The following SRD5A2 variants were observed in gnomAD, a reference collection of about 807,000 sequenced individuals.
SRD5A2 encodes 3-oxo-5-alpha-steroid 4-dehydrogenase 2.
Under a neutral mutation model 27.4 loss-of-function variants are expected in SRD5A2, and 30 were observed. The observed-to-expected ratio is 1.10, with a 90% CI of 0.82 to 1.49. The LOEUF is 1.49. Among genes scored for constraint, SRD5A2 ranks in the 40% most tolerant of loss-of-function variants. The pLI, the probability that SRD5A2 is intolerant of heterozygous loss-of-function variation, is 0.00. For synonymous variants in SRD5A2, 141 were observed against 133.6 expected (o/e 1.06, Z -0.38); for missense variants, 348 against 323.4 (o/e 1.08, Z -0.58).
chr2:31,602,711 C>T, the SRD5A2 span, among the ~76,000 whole-genome samples: 1 of 151,994 alleles, frequency 6.6e-6, no homozygotes, highest in Non-Finnish European at 1.5e-5. Context: ...AGAACAGATA[C>T]ATGGAACAAC....
the SRD5A2 span, among the ~76,000 whole-genome samples, chr2:31,662,707 C>T: frequency 1.3e-5 from 2 of 152,120 alleles, no homozygotes; most frequent in African/African-American, 4.8e-5. Flanking sequence ...TGTGAGGCCT[C>T]AGTGGGAAGG....
chr2:31,614,784 C>T, the SRD5A2 span, among the ~76,000 whole-genome samples: 2 of 151,816 alleles, frequency 1.3e-5, no homozygotes, highest in African/African-American at 4.8e-5. Flanking sequence ...CACCTGCACA[C>T]CTAGTACCAT....
At chr2:31,621,365 T>C in the SRD5A2 span, among the ~76,000 whole-genome samples, 3 of 152,138 alleles carry the variant, frequency 2.0e-5, no homozygotes, top group African/African-American at 7.2e-5. Context: ...TGGAATCATA[T>C]GGTATGTAAC....
the SRD5A2 span, among the ~76,000 whole-genome samples, chr2:31,634,194 C>T: frequency 6.6e-6 from 1 of 151,462 alleles, no homozygotes; most frequent in Non-Finnish European, 1.5e-5. Context: ...AGAAATAAAA[C>T]ACATGATAAA....
chr2:31,534,573 TTTTC>T (rs373868418), intron 1 of SRD5A2, among the ~76,000 whole-genome samples: 100 of 152,342 alleles, frequency 6.6e-4, no homozygotes, highest in African/African-American at 2.3e-3. Context: ...TTATATTCAT[TTTTC>T]TTTCTTTGTC....
chr2:31,641,755 G>A, the SRD5A2 span, among the ~76,000 whole-genome samples: 1 of 151,964 alleles, frequency 6.6e-6, no homozygotes, highest in African/African-American at 2.4e-5. Context: ...AGTTTGGACA[G>A]AATTCAAGAT....
At chr2:31,549,981 C>T (rs1666352227) in intron 1 of SRD5A2, among the ~76,000 whole-genome samples, 1 of 152,036 alleles carries the variant, frequency 6.6e-6, no homozygotes, top group Non-Finnish European at 1.5e-5. Flanking sequence ...CCACAGTAGA[C>T]CACATCTTAT....
At chr2:31,658,521 T>C in the SRD5A2 span, among the ~76,000 whole-genome samples, 1 of 150,778 alleles carries the variant, frequency 6.6e-6, no homozygotes, top group Non-Finnish European at 1.5e-5. Flanking sequence ...AATCTTGAAA[T>C]GGCAAAGGGG....
In SRD5A2 at chr2:31,525,053, A is replaced by G. The variant is rs560497065; in HGVS notation, c.*1143T>C. ...GTTTTTGAAACTTTGTAAAAAAAAAAAAAACTATATGTCTGAGCCAAACAA... is the reference window on the plus strand; with the variant it reads ...GTTTTTGAAACTTTGTAAAAAAAAAGAAAACTATATGTCTGAGCCAAACAA... On this transcript the variant is annotated 3_prime_UTR_variant, in exon 5 of 5. Transcript: ENST00000622030. 4.1e-5 allele frequency: 9 copies of G among 217,432 alleles called. 1 individual carries two copies. In the East Asian group the frequency reaches 6.1e-4, roughly 15 times the overall value. 13.5% of individuals were successfully genotyped at this position (217,432 alleles called of 1,614,324 possible).
intron 4 of SRD5A2, among the ~76,000 whole-genome samples, chr2:31,528,510 G>A (rs1037877990): frequency 6.6e-6 from 1 of 152,202 alleles, no homozygotes; most frequent in African/African-American, 2.4e-5. Flanking sequence ...GGCTTTGCCT[G>A]TAATCCCAGC....
chr2:31,583,663 C>CAAAAAAAA (rs796349594), upstream of SRD5A2, among the ~76,000 whole-genome samples: 1 of 97,214 alleles, frequency 1.0e-5, no homozygotes, highest in African/African-American at 4.4e-5. Flanking sequence ...AAAAAAAAAG[C>CAAAAAAAA]AAAAAAAAAA....
intron 1 of SRD5A2, among the ~76,000 whole-genome samples, chr2:31,556,958 A>G (rs377379696): frequency 6.6e-6 from 1 of 152,200 alleles, no homozygotes; most frequent in East Asian, 1.9e-4. Context: ...AACTCATTTA[A>G]TCTTTATAAC....
Position 31,522,571 on chromosome 2 carries a change from T to C in SRD5A2, c.*3625A>G, listed in dbSNP as rs974110262. On this transcript the variant is annotated 3_prime_UTR_variant, in exon 5 of 5. Coordinates refer to ENST00000622030, the MANE Select transcript of SRD5A2 (RefSeq NM_000348.4). ...GGGGAGAAATGAGGCACAATGCAAA[T>C]AACACAGAACTCTTTAAGATCACAA... is the stretch of plus-strand genomic sequence containing the variant. The C allele has an allele frequency of 1.9e-4, 38 of 204,208 alleles. No individual in the cohort carries two copies. The highest frequency in any genetic ancestry group is 8.0e-4 in the African/African-American group (35 of 43,662). 12.6% of individuals were successfully genotyped at this position (204,208 alleles called of 1,614,324 possible). A position where few individuals can be genotyped will look rare whatever the true frequency, so the allele number is the denominator to read the frequency against.
intron 1 of SRD5A2, among the ~76,000 whole-genome samples, chr2:31,559,979 T>G (rs887869593): frequency 7.9e-5 from 12 of 152,024 alleles, no homozygotes; most frequent in Non-Finnish European, 1.3e-4. Context: ...CAGAGTGGTT[T>G]GTGAAGGTAC....
At chr2:31,653,120 C>T in the SRD5A2 span, among the ~76,000 whole-genome samples, 2 of 152,234 alleles carry the variant, frequency 1.3e-5, no homozygotes, top group South Asian at 2.1e-4. Flanking sequence ...TCACCCCCAC[C>T]CCCAGTCCCC....
At chr2:31,528,514 T>C (rs766103686) in intron 4 of SRD5A2, among the ~76,000 whole-genome samples, 10 of 152,180 alleles carry the variant, frequency 6.6e-5, no homozygotes, top group Non-Finnish European at 1.0e-4. Context: ...TTGCCTGTAA[T>C]CCCAGCCCTT....
intron 1 of SRD5A2, among the ~76,000 whole-genome samples, 180 bp from the exon 2 acceptor site, chr2:31,533,946 A>T (rs1665971390): frequency 6.6e-6 from 1 of 152,214 alleles, no homozygotes; most frequent in East Asian, 1.9e-4. Flanking sequence ...ATAATTACAT[A>T]CCTGAAAAGT....
the SRD5A2 span, among the ~76,000 whole-genome samples, chr2:31,641,994 C>T: frequency 7.3e-5 from 11 of 151,698 alleles, no homozygotes; most frequent in African/African-American, 2.4e-4. Context: ...AAGCTGATTC[C>T]GAGACATACT....
At chr2:31,580,962 C>G (rs632148), upstream of SRD5A2, 1,047,088 of 1,528,114 alleles carry the variant, frequency 0.69, 359,944 homozygotes, top group Middle Eastern at 0.72. Flanking sequence ...CCCCGCAACC[C>G]CTTTATGGAG....
Sources: gnomAD v4.1 joint callset for allele counts (sites outside exome capture counted in the v4.1 genomes callset) on GRCh38, gnomAD v4.1.1 for gene constraint, MANE v1.5 for transcripts, NCBI Gene and HGNC (gene_info 2026-07-23, HGNC 2026-07-21) for gene names.